SLC6A12: variants seen among roughly 807,000 people sequenced by gnomAD.
SLC6A12 encodes sodium- and chloride-dependent betaine transporter.
Under a neutral mutation model 73.3 loss-of-function variants are expected in SLC6A12, and 50 were observed. That is an observed-to-expected ratio of 0.68 (90% CI 0.54 to 0.86). The LOEUF (loss-of-function observed/expected upper bound fraction) is 0.86, where lower values mean the gene tolerates loss of function less well. Ranked by LOEUF, SLC6A12 falls within the 40% of genes least tolerant of loss-of-function variation. The probability of loss-of-function intolerance (pLI) is 0.00; values close to 1 mark genes in which losing one functional copy is unlikely to be tolerated. For missense variants in SLC6A12, 648 were observed against 772.8 expected (o/e 0.84, Z 1.92); for synonymous variants, 304 against 309.2 (o/e 0.98, Z 0.18).
At chr12:207,707 T>G (rs1033312654) in intron 3 of SLC6A12, among the ~76,000 whole-genome samples, 3 of 152,198 alleles carry the variant, frequency 2.0e-5, no homozygotes, top group Admixed American at 1.3e-4. Context: ...ACATCCTGTT[T>G]CCACATCCAT....
rs1940016149 is a variant in SLC6A12, at chr12:198,079, T to C, written c.847-76A>G. 8.5e-7 allele frequency: 1 copy of C among 1,176,292 alleles called. No individual in the cohort carries two copies. The highest frequency in any genetic ancestry group is 1.5e-5 in the African/African-American group (1 of 66,274). The allele number at this position is 1,176,292 out of a possible 1,614,324, so 72.9% of individuals were successfully genotyped here. On this transcript the variant is annotated intron_variant, in intron 8 of 15. Transcript: ENST00000684302. This position sits in a 1 kb window ranked among gnomAD's most constrained non-coding sequence, Gnocchi z 4.0. ...CAGGGTGACCCGAGATCCAGACCCG[T>C]CCCCTGCAGCACCAGCCTGGCCCCT...
At position 190,975 on chromosome 12, in the gene SLC6A12, G is replaced by T; in HGVS notation, c.*93C>A. The T allele has an allele frequency of 1.8e-6, 2 of 1,100,106 alleles. No individual in the cohort carries two copies. Among genetic ancestry groups the T allele is most frequent in the Non-Finnish European group, 2.3e-6 (2 of 860,122 alleles). The allele number at this position is 1,100,106 out of a possible 1,614,324, so 68.1% of individuals were successfully genotyped here. On this transcript the variant is annotated 3_prime_UTR_variant, in exon 16 of 16. Transcript: ENST00000684302. ...TCCAGAGGTTCCCAGCAGGATTGTG[G>T]CAGGAGACAGAGGCAGAGGCTGTCC...
chr12:197,198 C>CATCCATCCATCCATCCATCCATCT (rs1939962297), intron 10 of SLC6A12, among the ~76,000 whole-genome samples, 179 bp downstream of exon 10: 1 of 71,078 alleles, frequency 1.4e-5, no homozygotes, highest in African/African-American at 6.1e-5. Context: ...TCCATCCATT[C>CATCCATCCATCCATCCATCCATCT]ATCCATCCAT....
At chr12:184,364 C>A in the SLC6A12 span, among the ~76,000 whole-genome samples, 1 of 152,160 alleles carries the variant, frequency 6.6e-6, no homozygotes, top group Non-Finnish European at 1.5e-5. Flanking sequence ...GTGGCTCACA[C>A]CTGTAATCCC....
At chr12:209,598 C>T in intron 3 of SLC6A12, 175 bp downstream of exon 3, 1 of 658,192 alleles carries the variant, frequency 1.5e-6, no homozygotes, top group Non-Finnish European at 2.7e-6. Context: ...GTCCCCATTT[C>T]ACAGAGAGGG....
At chr12:195,841 C>T (rs545468403) in intron 12 of SLC6A12, among the ~76,000 whole-genome samples, 1 of 152,308 alleles carries the variant, frequency 6.6e-6, no homozygotes, top group African/African-American at 2.4e-5. Flanking sequence ...ACAAGAGCAG[C>T]TGGATCCAAC....
chr12:203,133 C>T (rs1237471907), intron 4 of SLC6A12: 5 of 234,692 alleles, frequency 2.1e-5, no homozygotes, highest in African/African-American at 1.1e-4. Flanking sequence ...GTGGCACAGT[C>T]TCGGCTCACT....
Position 209,958 on chromosome 12 carries a change from C to A in SLC6A12, c.29G>T (p.Cys10Phe), listed in dbSNP as rs150191926. 6.2e-7 allele frequency: 1 copy of A among 1,614,172 alleles called. No individual in the cohort carries two copies. The highest frequency in any genetic ancestry group is 1.1e-5 in the South Asian group (1 of 91,078). Residue 10 changes from cysteine to phenylalanine, a missense_variant, in exon 3 of 16, where the codon TGT becomes TTT. Coordinates refer to ENST00000684302, the MANE Select transcript of SLC6A12 (RefSeq NM_001122848.3). Reference protein sequence around the residue: MDGKVAVQECGPPAVSWVPE... With the variant: MDGKVAVQEFGPPAVSWVPE... ...GACCCAGGAGACTGCAGGAGGCCCA[C>A]ACTCTTGCACTGCCACCTTCCCGTC...
chr12:201,390 G>C, intron 6 of SLC6A12: 1 of 249,708 alleles, frequency 4.0e-6, no homozygotes, highest in Non-Finnish European at 7.9e-6. Context: ...CCCGCCTTGG[G>C]CAATTTCAAG....
intron 1 of SLC6A12, among the ~76,000 whole-genome samples, chr12:212,353 T>C (rs1666159252): frequency 6.6e-6 from 1 of 151,896 alleles, no homozygotes; most frequent in Non-Finnish European, 1.5e-5. Flanking sequence ...GAGTGGAGGC[T>C]TGCTGGGGGA....
At chr12:192,041 G>T (rs1478001491) in intron 15 of SLC6A12, among the ~76,000 whole-genome samples, 1 of 152,210 alleles carries the variant, frequency 6.6e-6, no homozygotes, top group Non-Finnish European at 1.5e-5. Flanking sequence ...GGAGCCTCTT[G>T]CGTGTGTCCC....
intron 13 of SLC6A12, 61 bp from the exon 14 acceptor site, chr12:193,438 T>C (rs1939709761): frequency 7.5e-7 from 1 of 1,327,894 alleles, no homozygotes; most frequent in Non-Finnish European, 1.1e-6. Flanking sequence ...TTCCCGGTGT[T>C]TGGGAAAGAC....
intron 9 of SLC6A12, 36 bp downstream of exon 9, chr12:197,864 C>T (rs375773038): frequency 4.6e-5 from 64 of 1,386,574 alleles, no homozygotes; most frequent in Non-Finnish European, 6.0e-5. Flanking sequence ...AGGCCCCAAC[C>T]CTCCTTCACC....
chr12:192,282 A>C (rs1939636722), intron 15 of SLC6A12, among the ~76,000 whole-genome samples, 196 bp downstream of exon 15: 1 of 152,182 alleles, frequency 6.6e-6, no homozygotes, highest in Non-Finnish European at 1.5e-5. Context: ...CTAGGACTCT[A>C]GGACTTTTCA....
In SLC6A12 at chr12:197,441, G is replaced by A; in HGVS notation, c.1011C>T (p.Val337=). The A allele has an allele frequency of 1.3e-5, 21 of 1,613,998 alleles. No homozygotes were observed. Among genetic ancestry groups the A allele is most frequent in the Non-Finnish European group, 1.8e-5 (21 of 1,179,962 alleles). The change falls in exon 10 of 16, where the codon GTC becomes GTT. Residue 337 remains valine, a synonymous_variant. Transcript: ENST00000684302. ...GGGACATGAAGCCCAGGATGGAGAAGACAACAAACCCAGCCACAAAGCTGG... is the reference window on the plus strand; with the variant it reads ...GGGACATGAAGCCCAGGATGGAGAAAACAACAAACCCAGCCACAAAGCTGG... ...SATSFVAGFV[V]FSILGFMSQE... is the part of the protein sequence containing the mutation.
Position 196,901 on chromosome 12 carries a change from A to C in SLC6A12, c.1076-19T>G, listed in dbSNP as rs185335417. ...CCAGGACCTGCCAGGTACACAGCAC[A>C]GTCAGGGAGGCTCCAGGGCGTGTGC... On this transcript the variant is annotated intron_variant, in intron 10 of 15. Transcript: ENST00000684302. 39 of 1,584,246 alleles carry C rather than the reference A, an allele frequency of 2.5e-5. No individual in the cohort carries two copies. In the East Asian group the frequency reaches 8.7e-4, roughly 35 times the overall value.
chr12:193,298 G>A lies in SLC6A12; in HGVS notation c.1509C>T (p.Phe503=), dbSNP rs780645855. The stretch of plus-strand genomic sequence containing the variant: ...ATACCAGGCAAAGTCCAGGGGTCAG[G>A]AAGAGCCAGGAGATCTTCACCAGGG... ...PWPLVKISWL[F]LTPGLCLATF... Residue 503 remains phenylalanine (F), a synonymous_variant, in exon 14 of 16, where the codon TTC becomes TTT. Coordinates refer to ENST00000684302, the MANE Select transcript of SLC6A12 (RefSeq NM_001122848.3). The A allele has an allele frequency of 1.0e-4, 162 of 1,613,604 alleles. No homozygotes were observed. Among genetic ancestry groups the A allele is most frequent in the Non-Finnish European group, 1.3e-4 (156 of 1,179,648 alleles).
chr12:186,671 C>T (rs148819771), downstream of SLC6A12, among the ~76,000 whole-genome samples: 64 of 152,330 alleles, frequency 4.2e-4, no homozygotes, highest in Middle Eastern at 3.4e-3. Context: ...TCTATTGGGC[C>T]AACTGTCCCC....
In SLC6A12 at chr12:196,166, G is replaced by C. The variant is rs147755328; in HGVS notation, c.1284C>G (p.Ile428Met). 1.9e-6 allele frequency: 3 copies of C among 1,574,864 alleles called. No homozygotes were observed. The East Asian group carries it at 6.9e-5, about 36-fold the overall frequency. Residue 428 changes from isoleucine (I) to methionine (M), a missense_variant, in exon 12 of 16, where the codon ATC becomes ATG. Transcript: ENST00000684302. The stretch of plus-strand genomic sequence containing the variant: ...GCCCTATCAGGTAGCACATGACGGC[G>C]ATGGTGAGGATGAGGAGCTCGCGCC... ...SGRRELLILT[I>M]AVMCYLIGLF...
Sources: allele counts gnomAD v4.1 joint callset (sites outside exome capture counted in the v4.1 genomes callset), GRCh38; gene constraint gnomAD v4.1.1; non-coding constraint Gnocchi (gnomAD v3.1); transcripts MANE v1.5; gene names NCBI Gene and HGNC (gene_info 2026-07-23, HGNC 2026-07-21).